Variants in ATP6V1H observed in about 807,000 individuals in gnomAD.
ATP6V1H encodes the protein V-type proton ATPase subunit H.
A neutral mutation model predicts 71.7 loss-of-function variants in ATP6V1H; 39 were observed. The ratio of observed to expected loss-of-function variants is 0.54; its 90% CI spans 0.42 to 0.71. The LOEUF (loss-of-function observed/expected upper bound fraction) is 0.71. Ranked by LOEUF, ATP6V1H falls within the 30% of genes least tolerant of loss-of-function variation. The probability of loss-of-function intolerance (pLI) is 0.00; values close to 1 mark genes in which losing one functional copy is unlikely to be tolerated. For synonymous variants in ATP6V1H, 192 were observed against 199.3 expected, an observed-to-expected ratio of 0.96 and a Z score of 0.31; for missense variants, 509 against 594.9, an observed-to-expected ratio of 0.86 and a Z score of 1.50.
chr8:53,818,897 A>G (rs1379348704), intron 4 of ATP6V1H, among the ~76,000 whole-genome samples: 1 of 152,214 alleles, frequency 6.6e-6, no homozygotes, highest in Non-Finnish European at 1.5e-5. Flanking sequence ...AATTTTACAA[A>G]TAAAATCAAC....
rs1011201266 is a variant in ATP6V1H at position 53,715,659 on chromosome 8, G to A, written c.*305C>T. On this transcript the variant is annotated 3_prime_UTR_variant, in exon 14 of 14. Coordinates refer to ENST00000359530, the MANE Select transcript of ATP6V1H (RefSeq NM_015941.4). ...CTTTTGTTCAAAGTCCAAGTAAAGAGAGAGGCCATGTTTGGAGTGAGAATC... is the reference window on the plus strand; with the variant it reads ...CTTTTGTTCAAAGTCCAAGTAAAGAAAGAGGCCATGTTTGGAGTGAGAATC... 3 of 270,904 alleles carry A rather than the reference G, an allele frequency of 1.1e-5. No individual in the cohort carries two copies. 16.8% of individuals were successfully genotyped at this position (270,904 alleles called of 1,614,324 possible).
chr8:53,794,779 G>T (rs1304522319), intron 9 of ATP6V1H, among the ~76,000 whole-genome samples: 1 of 152,166 alleles, frequency 6.6e-6, no homozygotes, highest in Non-Finnish European at 1.5e-5. Context: ...TATCAGCAAT[G>T]TGACCTCTAC....
At chr8:53,796,406 T>C (rs1265634181) in intron 8 of ATP6V1H, among the ~76,000 whole-genome samples, 3 of 151,756 alleles carry the variant, frequency 2.0e-5, no homozygotes, top group African/African-American at 7.3e-5. Context: ...GACATGGACA[T>C]GAAGGAGGTT....
chr8:53,838,229 G>A (rs1007592349), intron 2 of ATP6V1H, among the ~76,000 whole-genome samples: 2 of 151,668 alleles, frequency 1.3e-5, no homozygotes, highest in Non-Finnish European at 2.9e-5. Flanking sequence ...AGGTTCAAGC[G>A]ATTCTCCTGC....
In ATP6V1H at chr8:53,753,404, A is replaced by C. The variant is rs144372063; in HGVS notation, c.1277+3151T>G. 1.8e-3 allele frequency among the ~76,000 whole-genome samples: 268 copies of C among 152,332 alleles called. 1 individual carries two copies. Among genetic ancestry groups the C allele is most frequent in the African/African-American group, 6.1e-3 (252 of 41,576 alleles). ...CATGATGGGAGAGATCATTCTTCTT[A>C]GGGAGAGACAGTAAGGCAGGGAGAA... is the stretch of plus-strand genomic sequence containing the variant. On this transcript the variant is annotated intron_variant, in intron 12 of 13. Transcript: ENST00000359530.
At chr8:53,755,669 G>A (rs1677217829) in intron 12 of ATP6V1H, among the ~76,000 whole-genome samples, 2 of 91,076 alleles carry the variant, frequency 2.2e-5, no homozygotes, top group South Asian at 4.5e-4. Flanking sequence ...CTACACAGTA[G>A]TATTATACCA....
chr8:53,828,073 C>T (rs1248010303), intron 4 of ATP6V1H, among the ~76,000 whole-genome samples: 1 of 152,160 alleles, frequency 6.6e-6, no homozygotes, highest in Non-Finnish European at 1.5e-5. Flanking sequence ...CGAACAAACA[C>T]GTGTGTGTGG....
At chr8:53,825,195 T>C (rs1810787257) in intron 4 of ATP6V1H, among the ~76,000 whole-genome samples, 1 of 152,142 alleles carries the variant, frequency 6.6e-6, no homozygotes, top group Admixed American at 6.6e-5. Context: ...AGTTAACTTA[T>C]AAATTTATTA....
At chr8:53,837,748 A>G (rs1035633666) in intron 2 of ATP6V1H, among the ~76,000 whole-genome samples, 1 of 152,184 alleles carries the variant, frequency 6.6e-6, no homozygotes, top group African/African-American at 2.4e-5. Flanking sequence ...AATTGCTCCT[A>G]CTGAGGCAGC....
intron 8 of ATP6V1H, among the ~76,000 whole-genome samples, chr8:53,796,513 T>TAA (rs10708370): frequency 2.8e-5 from 4 of 142,000 alleles, no homozygotes; most frequent in Non-Finnish European, 6.3e-5. Context: ...AATCATCAAA[T>TAA]AAAAAAAAAA....
At chr8:53,748,701 G>A (rs919634454) in intron 12 of ATP6V1H, among the ~76,000 whole-genome samples, 9 of 152,046 alleles carry the variant, frequency 5.9e-5, no homozygotes, top group Non-Finnish European at 1.2e-4. Flanking sequence ...TATATGCATG[G>A]GGAAAAAACT....
chr8:53,780,563 T>C (rs1372089950), intron 9 of ATP6V1H, among the ~76,000 whole-genome samples: 1 of 152,202 alleles, frequency 6.6e-6, no homozygotes, highest in Non-Finnish European at 1.5e-5. Context: ...TATTACACTT[T>C]AAGTTTTAGG....
rs767297732 is a variant in ATP6V1H, at chr8:53,795,724, T to C, written c.793A>G (p.Ile265Val). 3 of 1,614,088 alleles carry C rather than the reference T, an allele frequency of 1.9e-6. No individual in the cohort carries two copies. In the South Asian group the frequency reaches 3.3e-5, roughly 18 times the overall value. The change falls in exon 9 of 14, where the codon ATC becomes GTC. Residue 265 changes from isoleucine (I) to valine (V), a missense_variant. Ile to Val is a conservative substitution (Grantham distance 29). Transcript: ENST00000359530. Reference protein sequence around the residue: ...QMCEHLRRYNIIPVLSDILQE... With the variant: ...QMCEHLRRYNVIPVLSDILQE... ...AGGATATCAGACAGAACTGGAATGA[T>C]ATTATAGCGCCGCAGGTGTTCACAC...
In ATP6V1H at chr8:53,829,523, G is replaced by A. The variant is rs1810934691; in HGVS notation, c.227C>T (p.Thr76Ile). ...GATATGAGTCATCAGATTTATAAAT[G>A]TTTTAGCACACTAAAAAAAAAAATG... Reference protein sequence around the residue: ...LQTEGSQCAKTFINLMTHICK... With the variant: ...LQTEGSQCAKIFINLMTHICK... The change falls in exon 4 of 14, where the codon ACA becomes ATA. Residue 76 changes from threonine to isoleucine, a missense_variant. By Grantham distance (89) the Thr-to-Ile change is moderately conservative. Around this residue, in one of 2 missense-constraint regions of ATP6V1H, gnomAD observed 297 missense variants for 303.3 expected, o/e 0.98. Coordinates refer to ENST00000359530, the MANE Select transcript of ATP6V1H (RefSeq NM_015941.4). 1.3e-6 allele frequency: 2 copies of A among 1,572,628 alleles called. No individual in the cohort carries two copies. Among genetic ancestry groups the A allele is most frequent in the African/African-American group, 1.4e-5 (1 of 72,832 alleles).
intron 7 of ATP6V1H, among the ~76,000 whole-genome samples, chr8:53,805,384 A>G (rs1367949575): frequency 2.6e-5 from 4 of 152,238 alleles, no homozygotes; most frequent in African/African-American, 9.6e-5. Context: ...GATGCTGATC[A>G]AAGTTCTAAA....
chr8:53,773,388 AAAC>A (rs1455383063), intron 9 of ATP6V1H, among the ~76,000 whole-genome samples: 1 of 152,228 alleles, frequency 6.6e-6, no homozygotes, highest in Non-Finnish European at 1.5e-5. Context: ...CTCTGGCAGA[AAAC>A]AACTATAAAA....
chr8:53,816,680 C>G (rs1255601787), intron 5 of ATP6V1H, among the ~76,000 whole-genome samples: 1 of 152,064 alleles, frequency 6.6e-6, no homozygotes, highest in Admixed American at 6.6e-5. Flanking sequence ...CCTGTAATCC[C>G]AGCTACTCAG....
intron 9 of ATP6V1H, among the ~76,000 whole-genome samples, chr8:53,780,357 A>G (rs1458606881): frequency 6.6e-6 from 1 of 152,108 alleles, no homozygotes; most frequent in Non-Finnish European, 1.5e-5. Context: ...TCAATCATTA[A>G]GCCTTCTCTA....
At chr8:53,787,294 GA>G (rs1295167443) in intron 9 of ATP6V1H, among the ~76,000 whole-genome samples, 1 of 152,214 alleles carries the variant, frequency 6.6e-6, no homozygotes, top group Non-Finnish European at 1.5e-5. Context: ...TGAAACAGGG[GA>G]TAAGGGATAG....
Sources: allele counts gnomAD v4.1 joint callset (sites outside exome capture counted in the v4.1 genomes callset), GRCh38; gene constraint gnomAD v4.1.1; regional missense constraint gnomAD v4.1.1; transcripts MANE v1.5; gene names NCBI Gene and HGNC (gene_info 2026-07-23, HGNC 2026-07-21).